The following GFOD1 variants were observed in gnomAD, a reference collection of about 807,000 sequenced individuals.
GFOD1 encodes the protein glucose-fructose oxidoreductase domain-containing protein 1.
A neutral mutation model predicts 25.4 loss-of-function variants in GFOD1; 9 were observed. The ratio of observed to expected loss-of-function variants is 0.35; its 90% confidence interval spans 0.21 to 0.62. The LOEUF (loss-of-function observed/expected upper bound fraction) is 0.62. Among genes scored for constraint, GFOD1 ranks in the 20% least tolerant of loss-of-function variants. The probability of loss-of-function intolerance (pLI) is 0.72; values close to 1 mark genes in which losing one functional copy is unlikely to be tolerated. For synonymous variants in GFOD1, 253 were observed against 245.6 expected (o/e 1.03, Z -0.28); for missense variants, 403 against 556.9 (o/e 0.72, Z 2.78).
intron 1 of GFOD1, chr6:13,485,896 C>CT: frequency 2.9e-6 from 1 of 350,506 alleles, no homozygotes; most frequent in Non-Finnish European, 4.0e-6. Context: ...CGGGAGGCTG[C>CT]AGTCAAAAGT....
rs1211167287 is a variant in GFOD1, at chr6:13,359,625, A to C, written c.*5118T>G. The C allele has an allele frequency of 6.6e-6, 1 of 152,196 alleles. No homozygotes were observed. Among genetic ancestry groups the C allele is most frequent in the Non-Finnish European group, 1.5e-5 (1 of 68,042 alleles). The allele number at this position is 152,196 out of a possible 1,614,324, so 9.4% of individuals were successfully genotyped here. On this transcript the variant is annotated 3_prime_UTR_variant, in exon 2 of 2. Coordinates refer to ENST00000379287, the MANE Select transcript of GFOD1 (RefSeq NM_018988.4). ...TTTAAACAGCTCGTTTTCTGAGTAC[A>C]TTCAAGACATAATTGAATTTATTTT...
At chr6:13,463,663 G>A (rs573567238) in intron 1 of GFOD1, among the ~76,000 whole-genome samples, 1 of 152,112 alleles carries the variant, frequency 6.6e-6, no homozygotes, top group African/African-American at 2.4e-5. Flanking sequence ...AAGAAAATAC[G>A]ATAGCATTTC....
chr6:13,412,299 G>A (rs1786090156), intron 1 of GFOD1, among the ~76,000 whole-genome samples: 1 of 152,224 alleles, frequency 6.6e-6, no homozygotes, highest in Non-Finnish European at 1.5e-5. Context: ...CTTAGGAGAA[G>A]AGGAGATGAC....
Position 13,365,232 on chromosome 6 carries a change from C to T in GFOD1, c.684G>A (p.Glu228=). ...DDFCTFQMVL[E]GGVCCTVTLN... Reference sequence around the variant, plus strand: ...GGGTGACGGTGCAGCACACCCCGCCCTCCAGCACCATCTGGAAGGTGCAGA... The same window carrying T: ...GGGTGACGGTGCAGCACACCCCGCCTTCCAGCACCATCTGGAAGGTGCAGA... Residue 228 remains glutamate, a synonymous_variant, in exon 2 of 2, where the codon GAG becomes GAA. Transcript: ENST00000379287. The surrounding 1 kb of genome is among the most constrained non-coding windows in gnomAD (Gnocchi z 9.2). 4 of 1,614,196 alleles carry T rather than the reference C, an allele frequency of 2.5e-6. No homozygotes were observed. Among genetic ancestry groups the T allele is most frequent in the Non-Finnish European group, 3.4e-6 (4 of 1,180,028 alleles).
At chr6:13,437,626 T>C (rs1757853948) in intron 1 of GFOD1, among the ~76,000 whole-genome samples, 1 of 152,226 alleles carries the variant, frequency 6.6e-6, no homozygotes, top group African/African-American at 2.4e-5. Flanking sequence ...GCCTTTTTAG[T>C]TCAAACCTCT....
intron 1 of GFOD1, among the ~76,000 whole-genome samples, chr6:13,366,460 CGAGTAGTT>C (rs1411281117): frequency 1.3e-5 from 2 of 152,096 alleles, no homozygotes; most frequent in Admixed American, 6.5e-5. Flanking sequence ...CTCAGCCTCC[CGAGTAGTT>C]GAGATTACAG....
intron 1 of GFOD1, among the ~76,000 whole-genome samples, chr6:13,409,862 G>A (rs1465626754): frequency 6.7e-6 from 1 of 150,338 alleles, no homozygotes; most frequent in Non-Finnish European, 1.5e-5. Context: ...GGCAGAGGTT[G>A]CAGTGAGCCA....
At chr6:13,444,242 G>C (rs1231259056) in intron 1 of GFOD1, among the ~76,000 whole-genome samples, 1 of 152,180 alleles carries the variant, frequency 6.6e-6, no homozygotes, top group Non-Finnish European at 1.5e-5. Context: ...ATTATCCTTA[G>C]CAAACTAACA....
intron 1 of GFOD1, among the ~76,000 whole-genome samples, chr6:13,424,413 G>A (rs1216647712): frequency 6.6e-6 from 1 of 152,176 alleles, no homozygotes; most frequent in East Asian, 1.9e-4. Flanking sequence ...TCTTTAAACA[G>A]AGAAGCCATA....
intron 1 of GFOD1, among the ~76,000 whole-genome samples, chr6:13,440,881 A>G (rs1267813019): frequency 1.3e-5 from 2 of 152,198 alleles, no homozygotes; most frequent in Admixed American, 1.3e-4. Context: ...TGCTCTGGAT[A>G]CATTCTCCAC....
intron 1 of GFOD1, among the ~76,000 whole-genome samples, chr6:13,445,781 C>T (rs1007693468): frequency 1.3e-5 from 2 of 152,350 alleles, no homozygotes; most frequent in Non-Finnish European, 2.9e-5. Context: ...CAGGACTAAT[C>T]TTCAAGAGAT....
intron 1 of GFOD1, among the ~76,000 whole-genome samples, chr6:13,376,445 C>T (rs1373936970): frequency 1.3e-5 from 2 of 152,088 alleles, no homozygotes; most frequent in Admixed American, 6.5e-5. Context: ...CTTGGACAAG[C>T]CAGGATTCAC....
intron 1 of GFOD1, among the ~76,000 whole-genome samples, chr6:13,482,259 T>C (rs1028128349): frequency 3.4e-5 from 5 of 148,552 alleles, no homozygotes; most frequent in Non-Finnish European, 7.4e-5. Context: ...ATAATTTATA[T>C]TAATATTTAT....
intron 1 of GFOD1, among the ~76,000 whole-genome samples, chr6:13,450,030 C>T (rs973499312): frequency 2.6e-5 from 4 of 152,134 alleles, no homozygotes; most frequent in East Asian, 1.9e-4. Context: ...CTGCTCTTTC[C>T]GAAGAACGCT....
intron 1 of GFOD1, among the ~76,000 whole-genome samples, chr6:13,406,773 G>A (rs192983833): frequency 2.0e-5 from 3 of 152,236 alleles, no homozygotes; most frequent in East Asian, 3.9e-4. Context: ...TAGGTGATTG[G>A]GAGGCCTTCT....
intron 1 of GFOD1, among the ~76,000 whole-genome samples, chr6:13,472,815 T>C (rs1758538073): frequency 6.6e-6 from 1 of 152,252 alleles, no homozygotes; most frequent in Admixed American, 6.5e-5. Context: ...TTTTGTCACA[T>C]CTAGGGATCT....
At chr6:13,451,510 G>T (rs1042000548) in intron 1 of GFOD1, among the ~76,000 whole-genome samples, 1 of 152,166 alleles carries the variant, frequency 6.6e-6, no homozygotes, top group Non-Finnish European at 1.5e-5. Context: ...TCACCTTGAG[G>T]TGTCTTGAGA....
Position 13,366,129 on chromosome 6 carries a change from T to C in GFOD1, c.254-467A>G, listed in dbSNP as rs761085363. ...AATAATGAAAATAAAAAAGATATTC[T>C]ATATATTTCAATATTACTTTAAATA... On this transcript the variant is annotated intron_variant, in intron 1 of 1. Transcript: ENST00000379287. Among the ~76,000 whole-genome samples, 124 of 152,146 alleles carry C rather than the reference T, an allele frequency of 8.2e-4. 1 individual carries two copies. The highest frequency in any genetic ancestry group is 2.3e-3 in the Admixed American group (35 of 15,274).
intron 1 of GFOD1, among the ~76,000 whole-genome samples, chr6:13,407,145 GC>G (rs11284249): frequency 0.03 from 4,577 of 152,272 alleles, 202 homozygotes; most frequent in African/African-American, 0.1. Flanking sequence ...GGATGGTGGC[GC>G]CAAGACAGAG....
Sources: gnomAD v4.1 joint callset for allele counts (sites outside exome capture counted in the v4.1 genomes callset) on GRCh38, gnomAD v4.1.1 for gene constraint, Gnocchi (gnomAD v3.1) non-coding constraint, MANE v1.5 for transcripts, NCBI Gene and HGNC (gene_info 2026-07-23, HGNC 2026-07-21) for gene names.